Variants in AGL observed in about 807,000 individuals in gnomAD.
AGL encodes the protein amylo-alpha-1,6-glucosidase and 4-alpha-glucanotransferase, also known as glycogen debranching enzyme.
In AGL, 128 loss-of-function variants were observed where a neutral mutation model predicts 199.3. The ratio of observed to expected loss-of-function variants is 0.64; its 90% CI spans 0.56 to 0.74. AGL has a LOEUF of 0.74. AGL is among the 30% of genes least tolerant of loss of function. The pLI is 0.00. For missense variants in AGL, 1,809 were observed against 1,820.8 expected (o/e 0.99, Z 0.12); for synonymous variants, 584 against 594.7 (o/e 0.98, Z 0.26).
intron 25 of AGL, among the ~76,000 whole-genome samples, chr1:99,899,542 T>TTCTCTCTCTCTC (rs1199683129): frequency 1.6e-4 from 12 of 75,674 alleles, no homozygotes; most frequent in Non-Finnish European, 3.1e-4. Flanking sequence ...CTCTCTCTCT[T>TTCTCTCTCTCTC]TCTCTCTCTC....
chr1:99,858,075 C>T (rs746001393), intron 2 of AGL, among the ~76,000 whole-genome samples: 6 of 152,114 alleles, frequency 3.9e-5, no homozygotes, highest in Admixed American at 6.5e-5. Flanking sequence ...TGTTGCCATG[C>T]ATTGCACTTT....
At position 99,851,028 on chromosome 1, in the gene AGL, C is replaced by T; in HGVS notation, c.-15C>T. On this transcript the variant is annotated 5_prime_UTR_variant, in exon 2 of 34. Coordinates refer to ENST00000361915, the MANE Select transcript of AGL (RefSeq NM_000642.3). Reference sequence around the variant, plus strand: ...TTAATTCTTATGAAAGATTTCAAATCCTCTAGAAGCCAAAATGGGACACAG... The same window carrying T: ...TTAATTCTTATGAAAGATTTCAAATTCTCTAGAAGCCAAAATGGGACACAG... 1 of 1,606,810 alleles carries T rather than the reference C, an allele frequency of 6.2e-7. No individual in the cohort carries two copies. Among genetic ancestry groups the T allele is most frequent in the Non-Finnish European group, 8.5e-7 (1 of 1,173,414 alleles).
Position 99,922,071 on chromosome 1 carries a change from C to G in AGL, c.*420C>G, listed in dbSNP as rs1655549106. ...CGCTGTGGTTCATTAATATTAACAC[C>G]ACGTACTATAGTATTCTTAATACAG... On this transcript the variant is annotated 3_prime_UTR_variant, in exon 34 of 34. Coordinates refer to ENST00000361915, the MANE Select transcript of AGL (RefSeq NM_000642.3). The G allele has an allele frequency of 6.3e-6, 1 of 158,960 alleles. No homozygotes were observed. Among genetic ancestry groups the G allele is most frequent in the African/African-American group, 2.4e-5 (1 of 41,382 alleles). 9.8% of individuals were successfully genotyped at this position (158,960 alleles called of 1,614,324 possible). A position where few individuals can be genotyped will look rare whatever the true frequency, so the allele number is the denominator to read the frequency against.
At chr1:99,897,912 G>T (rs1235306667) in intron 25 of AGL, among the ~76,000 whole-genome samples, 2 of 152,102 alleles carry the variant, frequency 1.3e-5, no homozygotes, top group African/African-American at 4.8e-5. Flanking sequence ...TTAATGTTTA[G>T]GCTCCCAATT....
chr1:99,859,797 C>T (rs1164283044), intron 2 of AGL, among the ~76,000 whole-genome samples: 2 of 152,196 alleles, frequency 1.3e-5, no homozygotes, highest in Non-Finnish European at 2.9e-5. Context: ...TCGCCTCGGC[C>T]TCCCAGAGTG....
intron 21 of AGL, among the ~76,000 whole-genome samples, chr1:99,889,171 C>T (rs889288312): frequency 6.6e-6 from 1 of 152,164 alleles, no homozygotes; most frequent in African/African-American, 2.4e-5. Flanking sequence ...TTAGACGACA[C>T]CTAATTCATA....
Position 99,874,827 on chromosome 1 carries a change from T to C in AGL, c.1082+17T>C, listed in dbSNP as rs935735346. ...ACCACATGAGTATGTAATGTGTTTT[T>C]TTCTGTGAAATAATAATATTACTTA... On this transcript the variant is annotated intron_variant, in intron 8 of 33. Transcript: ENST00000361915. 2.0e-5 allele frequency: 33 copies of C among 1,612,286 alleles called. No individual in the cohort carries two copies. Among genetic ancestry groups the C allele is most frequent in the Non-Finnish European group, 2.5e-5 (29 of 1,178,628 alleles).
intron 2 of AGL, among the ~76,000 whole-genome samples, chr1:99,860,011 C>T (rs1159343528): frequency 1.3e-5 from 2 of 152,122 alleles, no homozygotes; most frequent in East Asian, 1.9e-4. Context: ...TCTCTGTTTA[C>T]ATCACTGATA....
At chr1:99,889,990 C>T (rs1652751434) in intron 21 of AGL, among the ~76,000 whole-genome samples, 1 of 152,104 alleles carries the variant, frequency 6.6e-6, no homozygotes, top group African/African-American at 2.4e-5. Context: ...AATGTATTTC[C>T]CTCCTTATAA....
Position 99,870,450 on chromosome 1 carries a change from G to GT in AGL, c.716dup (p.Asn240GlufsTer21), listed in dbSNP as rs2101112150. The GT allele has an allele frequency of 6.2e-7, 1 of 1,613,980 alleles. No individual in the cohort carries two copies. The highest frequency in any genetic ancestry group is 8.5e-7 in the Non-Finnish European group (1 of 1,179,954). On this transcript the variant is annotated frameshift_variant, in exon 6 of 34. Coordinates refer to ENST00000361915, the MANE Select transcript of AGL (RefSeq NM_000642.3). LOFTEE classifies it high-confidence loss of function. The stretch of plus-strand genomic sequence containing the variant: ...ACATCCAGAATGTGCCTATAATCTT[G>GT]TGAATTCTCCACACTTAAAACCTGC...
At chr1:99,898,436 A>T (rs1653515789) in intron 25 of AGL, among the ~76,000 whole-genome samples, 2 of 152,130 alleles carry the variant, frequency 1.3e-5, no homozygotes, top group Admixed American at 1.3e-4. Context: ...AAAGCCTAAA[A>T]TACTTAGTAT....
At chr1:99,896,803 GTTTTTGT>G (rs944867842) in intron 25 of AGL, among the ~76,000 whole-genome samples, 3 of 151,684 alleles carry the variant, frequency 2.0e-5, no homozygotes, top group Non-Finnish European at 4.4e-5. Context: ...GGTTTTTTTT[GTTTTTGT>G]TTTTTGTTTT....
At chr1:99,857,853 GA>G (rs796799491) in intron 2 of AGL, among the ~76,000 whole-genome samples, 7 of 120,320 alleles carry the variant, frequency 5.8e-5, no homozygotes, top group African/African-American at 1.8e-4. Context: ...GGGGAGGGGG[GA>G]AGAGGGAGAG....
chr1:99,866,800 T>TTTTATTTA (rs145029209), intron 5 of AGL, among the ~76,000 whole-genome samples: 3 of 151,018 alleles, frequency 2.0e-5, no homozygotes, highest in East Asian at 1.9e-4. Context: ...ACAAGTTTTC[T>TTTTATTTA]TTTATTTATT....
chr1:99,867,071 G>C lies in AGL; in HGVS notation c.664+2482G>C, dbSNP rs1032174180. ...CGACCTCAAGTGATCCGCCCACCTT[G>C]GCCTCCCAAAGTGCTGGGATTACAG... On this transcript the variant is annotated intron_variant, in intron 5 of 33. Coordinates refer to ENST00000361915, the MANE Select transcript of AGL (RefSeq NM_000642.3). Among the ~76,000 whole-genome samples, 4 of 152,030 alleles carry C rather than the reference G, an allele frequency of 2.6e-5. No homozygotes were observed. In the South Asian group the frequency reaches 8.3e-4, roughly 32 times the overall value.
At chr1:99,891,173 A>G (rs368855172) in intron 21 of AGL, 47 bp from the exon 22 acceptor site, 6 of 1,611,984 alleles carry the variant, frequency 3.7e-6, no homozygotes, top group South Asian at 2.2e-5. Flanking sequence ...TATAGGAACA[A>G]ATTGATGCTA....
At chr1:99,882,587 T>G in intron 17 of AGL, among the ~76,000 whole-genome samples, 1 of 152,222 alleles carries the variant, frequency 6.6e-6, no homozygotes, top group Non-Finnish European at 1.5e-5. Context: ...TCAGTGATTC[T>G]TCTGAACATG....
intron 24 of AGL, among the ~76,000 whole-genome samples, chr1:99,894,853 G>T (rs192694793): frequency 2.0e-5 from 3 of 152,182 alleles, no homozygotes; most frequent in African/African-American, 4.8e-5. Flanking sequence ...ATACTTGTTG[G>T]TGAACAAGGT....
Position 99,921,578 on chromosome 1 carries a change from A to C in AGL, c.4526A>C (p.Gln1509Pro). Residue 1509 changes from glutamine (Q) to proline (P), a missense_variant, in exon 34 of 34, where the codon CAG becomes CCG. Coordinates refer to ENST00000361915, the MANE Select transcript of AGL (RefSeq NM_000642.3). The stretch of plus-strand genomic sequence containing the variant: ...CCAGAACTGACCAATGAGAATGCCC[A>C]GTACTGTCCTTTCAGCTGTGAAACA... ...GLPELTNENA[Q>P]YCPFSCETQA... is the part of the protein sequence containing the mutation. The C allele has an allele frequency of 1.2e-6, 2 of 1,613,256 alleles. No individual in the cohort carries two copies. The highest frequency in any genetic ancestry group is 1.7e-6 in the Non-Finnish European group (2 of 1,179,500).
Sources: gnomAD v4.1 joint callset for allele counts (sites outside exome capture counted in the v4.1 genomes callset) on GRCh38, gnomAD v4.1.1 for gene constraint, MANE v1.5 for transcripts, NCBI Gene and HGNC (gene_info 2026-07-23, HGNC 2026-07-21) for gene names.